Variants in STON1 observed in about 807,000 individuals in gnomAD.
The protein encoded by STON1 is stonin 1, also known as stonin-1.
Under a neutral mutation model 60.9 loss-of-function variants are expected in STON1, and 79 were observed. The observed-to-expected ratio is 1.30, with a 90% CI of 1.08 to 1.56. STON1 has a LOEUF of 1.56. Among genes scored for constraint, STON1 ranks in the 40% most tolerant of loss-of-function variants. STON1 has a pLI of 0.00. For missense variants in STON1, 1,166 were observed against 858.9 expected (o/e 1.36, Z -4.47); for synonymous variants, 363 against 306.9 (o/e 1.18, Z -1.91).
At chr2:48,546,362 C>T (rs938035872) in intron 1 of STON1, among the ~76,000 whole-genome samples, 1 of 152,206 alleles carries the variant, frequency 6.6e-6, no homozygotes, top group Non-Finnish European at 1.5e-5. Flanking sequence ...CTCCTGCCTC[C>T]CTGTCTTTGC....
At chr2:48,540,418 G>T (rs965157461) in intron 1 of STON1, among the ~76,000 whole-genome samples, 1 of 152,100 alleles carries the variant, frequency 6.6e-6, no homozygotes, top group African/African-American at 2.4e-5. Context: ...TGCACCCAAT[G>T]CCCTGGAGGA....
At chr2:48,575,872 C>T (rs144324975) in intron 1 of STON1, among the ~76,000 whole-genome samples, 2,482 of 149,540 alleles carry the variant, frequency 0.017, 73 homozygotes, top group African/African-American at 0.057. Context: ...AATTCTCCTG[C>T]CTCAGCCTCC....
At position 48,549,808 on chromosome 2, in the gene STON1, CTCAAAAAAAAA is replaced by C. The variant is rs1672018073; in HGVS notation, c.-48+19593_-48+19603del. Reference sequence around the variant, plus strand: ...AGCCCGGACGACAGAGTGACTCCATCTCAAAAAAAAAAAAAAAAAAAAAAAGAGAAAAGAAA... The same window carrying C: ...AGCCCGGACGACAGAGTGACTCCATCAAAAAAAAAAAAAAGAGAAAAGAAA... On this transcript the variant is annotated intron_variant, in intron 1 of 3. Transcript: ENST00000404752. Among the ~76,000 whole-genome samples the C allele has an allele frequency of 4.1e-5, 3 of 72,942 alleles. No homozygotes were observed. The East Asian group carries it at 1.2e-3, about 28-fold the overall frequency. The allele number at this position is 72,942 out of a possible 152,430, so 47.9% of individuals were successfully genotyped here. A position where few individuals can be genotyped will look rare whatever the true frequency, so the allele number is the denominator to read the frequency against.
chr2:48,551,621 G>T (rs1432334832), intron 1 of STON1, among the ~76,000 whole-genome samples: 1 of 152,244 alleles, frequency 6.6e-6, no homozygotes, highest in African/African-American at 2.4e-5. Flanking sequence ...ATGTCCTTTT[G>T]CTGCTTCCTC....
intron 1 of STON1, among the ~76,000 whole-genome samples, chr2:48,542,998 A>G (rs1486973740): frequency 3.8e-5 from 5 of 131,794 alleles, no homozygotes; most frequent in African/African-American, 1.4e-4. Flanking sequence ...TTTTTGAGAT[A>G]GAGTCTCACT....
chr2:48,532,929 T>G (rs1043064531), intron 1 of STON1, among the ~76,000 whole-genome samples: 1 of 151,754 alleles, frequency 6.6e-6, no homozygotes, highest in African/African-American at 2.4e-5. Context: ...TACAAATAAA[T>G]AAAAAAGGAA....
intron 1 of STON1, among the ~76,000 whole-genome samples, chr2:48,552,670 C>T (rs912450587): frequency 6.6e-6 from 1 of 151,856 alleles, no homozygotes; most frequent in African/African-American, 2.4e-5. Flanking sequence ...CTCAGGATGC[C>T]AAGGCAGGTG....
rs759370024 is a variant in STON1 at position 48,581,978 on chromosome 2, A to C, written c.1345A>C (p.Asn449His). Residue 449 changes from asparagine (N) to histidine (H), a missense_variant, in exon 2 of 4, where the codon AAT becomes CAT. Transcript: ENST00000404752. ...ITQIYCLCFV[N>H]GNLECFLTLN... ...TCAAATTTATTGCCTCTGCTTTGTG[A>C]ATGGGAACCTGGAATGCTTTTTAAC... 41 of 1,614,204 alleles carry C rather than the reference A, an allele frequency of 2.5e-5. No individual in the cohort carries two copies. The highest frequency in any genetic ancestry group is 3.4e-5 in the Non-Finnish European group (40 of 1,180,042).
intron 1 of STON1, among the ~76,000 whole-genome samples, chr2:48,542,119 C>T (rs564860824): frequency 6.6e-6 from 1 of 152,354 alleles, no homozygotes; most frequent in African/African-American, 2.4e-5. Flanking sequence ...GTACGTGTGT[C>T]TCTAACAGTG....
intron 1 of STON1, among the ~76,000 whole-genome samples, chr2:48,561,140 C>G (rs952453511): frequency 2.0e-5 from 3 of 152,198 alleles, no homozygotes; most frequent in African/African-American, 7.2e-5. Flanking sequence ...CCTTGGTTTT[C>G]TCTCTGGATA....
In STON1 at chr2:48,591,665, C is replaced by A. The variant is rs761179375; in HGVS notation, c.1943C>A (p.Pro648His). Residue 648 changes from proline to histidine, a missense_variant, in exon 3 of 4, where the codon CCC becomes CAC. Transcript: ENST00000404752. Reference sequence around the variant, plus strand: ...TTTTTCCCTCGAGGTCTAGATCATCCCCATTGTCTGTCATACAAATTAGAG... The same window carrying A: ...TTTTTCCCTCGAGGTCTAGATCATCACCATTGTCTGTCATACAAATTAGAG... ...LPDKNSSLDH[P>H]HCLSYKLELG... is the part of the protein sequence containing the mutation. 6.2e-7 allele frequency: 1 copy of A among 1,613,818 alleles called. No individual in the cohort carries two copies. The highest frequency in any genetic ancestry group is 1.1e-5 in the South Asian group (1 of 91,044).
chr2:48,566,433 C>T (rs1572956259), intron 1 of STON1, among the ~76,000 whole-genome samples: 1 of 151,550 alleles, frequency 6.6e-6, no homozygotes. Flanking sequence ...ACCTCAGTCT[C>T]CACCATGCCC....
chr2:48,576,542 G>C (rs561035376), intron 1 of STON1, among the ~76,000 whole-genome samples: 4 of 150,252 alleles, frequency 2.7e-5, no homozygotes, highest in African/African-American at 9.8e-5. Flanking sequence ...CATTCTAAAA[G>C]GTATGAGGTG....
intron 1 of STON1, among the ~76,000 whole-genome samples, chr2:48,573,495 A>G (rs921383891): frequency 2.0e-5 from 3 of 152,218 alleles, no homozygotes; most frequent in African/African-American, 7.2e-5. Flanking sequence ...GAATGTCTGG[A>G]GAGGCTGTGC....
At chr2:48,568,619 C>T (rs1016211135) in intron 1 of STON1, among the ~76,000 whole-genome samples, 4 of 152,092 alleles carry the variant, frequency 2.6e-5, no homozygotes, top group African/African-American at 9.7e-5. Flanking sequence ...TATTAGACAA[C>T]AATTCTGAGA....
At chr2:48,561,985 C>G (rs867993708) in intron 1 of STON1, among the ~76,000 whole-genome samples, 1 of 152,148 alleles carries the variant, frequency 6.6e-6, no homozygotes. Context: ...CTCAGCCTCC[C>G]GAGTAGCTGG....
rs1201643702 is a variant in STON1, at chr2:48,598,234, A to C, written c.*2932A>C. The C allele has an allele frequency of 6.6e-6, 1 of 152,284 alleles. No individual in the cohort carries two copies. The highest frequency in any genetic ancestry group is 1.5e-5 in the Non-Finnish European group (1 of 68,036). 9.4% of individuals were successfully genotyped at this position (152,284 alleles called of 1,614,324 possible). On this transcript the variant is annotated 3_prime_UTR_variant, in exon 4 of 4. Coordinates refer to ENST00000404752, the MANE Select transcript of STON1 (RefSeq NM_006873.4). ...ATATGTAAAAAAGATACTTTCCAGC[A>C]CATAAATAAAGGCTGGAATTTTACA...
intron 1 of STON1, among the ~76,000 whole-genome samples, chr2:48,567,861 A>G (rs1354782962): frequency 2.8e-5 from 4 of 145,088 alleles, no homozygotes; most frequent in Non-Finnish European, 4.5e-5. Context: ...CCAATCATAC[A>G]AAAACAGACT....
chr2:48,543,247 T>A (rs192836259), intron 1 of STON1, among the ~76,000 whole-genome samples: 1 of 152,106 alleles, frequency 6.6e-6, no homozygotes, highest in East Asian at 1.9e-4. Context: ...AGTGCTGGGA[T>A]TACATGTGTG....
Sources: gnomAD v4.1 joint callset for allele counts (sites outside exome capture counted in the v4.1 genomes callset) on GRCh38, gnomAD v4.1.1 for gene constraint, MANE v1.5 for transcripts, NCBI Gene and HGNC (gene_info 2026-07-23, HGNC 2026-07-21) for gene names.